GSG1L: variants seen among roughly 807,000 people sequenced by gnomAD.
The protein encoded by GSG1L is germ cell-specific gene 1-like protein.
GSG1L carries 24 observed loss-of-function variants against 42.1 expected under a neutral mutation model. That is an observed-to-expected ratio of 0.57 (90% confidence interval 0.41 to 0.80). The LOEUF (loss-of-function observed/expected upper bound fraction) is 0.80, where lower values mean the gene tolerates loss of function less well. GSG1L is among the 30% of genes least tolerant of loss of function. The probability of loss-of-function intolerance (pLI) is 0.00; values close to 1 mark genes in which losing one functional copy is unlikely to be tolerated. For synonymous variants in GSG1L, 215 were observed against 203.5 expected (o/e 1.06, Z -0.48); for missense variants, 445 against 472.2 (o/e 0.94, Z 0.53).
rs141790768 is a variant in GSG1L, at chr16:27,793,901, C to T, written c.899-2434G>A. Among the ~76,000 whole-genome samples the T allele has an allele frequency of 8.1e-3, 1,238 of 152,356 alleles. 8 individuals carry two copies. Among genetic ancestry groups the T allele is most frequent in the Middle Eastern group, 0.034 (10 of 294 alleles). On this transcript the variant is annotated intron_variant, in intron 6 of 6. Coordinates refer to ENST00000447459, the MANE Select transcript of GSG1L (RefSeq NM_001109763.2). ...GTGCTGTAGATTGGGAATCTCAACT[C>T]AAAATGTCTTGTGGGCCCAAGCAGG...
chr16:28,055,416 C>T (rs915893188), intron 1 of GSG1L, among the ~76,000 whole-genome samples: 2 of 152,092 alleles, frequency 1.3e-5, no homozygotes, highest in Non-Finnish European at 2.9e-5. Context: ...GGATTACAGG[C>T]GTGAGCCATT....
At chr16:28,056,613 T>C (rs2086282208) in intron 1 of GSG1L, among the ~76,000 whole-genome samples, 1 of 151,618 alleles carries the variant, frequency 6.6e-6, no homozygotes, top group South Asian at 2.1e-4. Flanking sequence ...GAACTTAAAG[T>C]ATAATAAAAA....
Position 28,063,196 on chromosome 16 carries a change from AGGCGGTGGCGGCGGC to A in GSG1L, c.214_228del (p.Ala72_Ala76del). The stretch of plus-strand genomic sequence containing the variant: ...GCGCCGCCAGGGGGGCCGTTCCCCG[AGGCGGTGGCGGCGGC>A]GGCGGCGGCGGCGGGGGCGGCGGTG... On this transcript the variant is annotated inframe_deletion, in exon 1 of 7. Coordinates refer to ENST00000447459, the MANE Select transcript of GSG1L (RefSeq NM_001109763.2). The surrounding 1 kb of genome is among the most constrained non-coding windows in gnomAD (Gnocchi z 5.8). 4 of 1,295,172 alleles carry A rather than the reference AGGCGGTGGCGGCGGC, an allele frequency of 3.1e-6. No individual in the cohort carries two copies. Among genetic ancestry groups the A allele is most frequent in the South Asian group, 4.5e-5 (2 of 44,022 alleles). 80.2% of individuals were successfully genotyped at this position (1,295,172 alleles called of 1,614,324 possible).
intron 2 of GSG1L, among the ~76,000 whole-genome samples, chr16:27,960,269 A>G (rs1194278119): frequency 1.4e-5 from 2 of 148,026 alleles, no homozygotes; most frequent in Non-Finnish European, 3.1e-5. Flanking sequence ...TTCAGGTTCA[A>G]ATCCCAGTTC....
At chr16:27,904,502 T>C (rs1473594365) in intron 2 of GSG1L, among the ~76,000 whole-genome samples, 1 of 152,122 alleles carries the variant, frequency 6.6e-6, no homozygotes, top group Non-Finnish European at 1.5e-5. Flanking sequence ...TGTATGACCA[T>C]TCAGCAGCCA....
chr16:27,837,748 T>C (rs1217488909), intron 4 of GSG1L, among the ~76,000 whole-genome samples: 1 of 152,180 alleles, frequency 6.6e-6, no homozygotes, highest in Non-Finnish European at 1.5e-5. Flanking sequence ...TTTTCTTTTC[T>C]GTAATGTGTG....
At position 28,008,440 on chromosome 16, in the gene GSG1L, A is replaced by G. The variant is rs560091969; in HGVS notation, c.350-45237T>C. On this transcript the variant is annotated intron_variant, in intron 1 of 6. Coordinates refer to ENST00000447459, the MANE Select transcript of GSG1L (RefSeq NM_001109763.2). ...TCCTTGGCCTCTTGAACCTTGTGCC[A>G]TCCCTCCTGAAGTTAAGAGGGGTCC... Among the ~76,000 whole-genome samples the G allele has an allele frequency of 5.3e-5, 8 of 152,232 alleles. No individual in the cohort carries two copies. The East Asian group carries it at 1.5e-3, about 29-fold the overall frequency.
At chr16:27,894,704 A>C (rs1018956221) in intron 2 of GSG1L, among the ~76,000 whole-genome samples, 1 of 152,176 alleles carries the variant, frequency 6.6e-6, no homozygotes, top group Non-Finnish European at 1.5e-5. Flanking sequence ...AAAAGGCCAG[A>C]GGCCATGGAG....
At chr16:28,031,258 AATGGG>A (rs1252278586) in intron 1 of GSG1L, among the ~76,000 whole-genome samples, 4 of 65,102 alleles carry the variant, frequency 6.1e-5, no homozygotes, top group African/African-American at 1.1e-4. Context: ...GATAAGATGG[AATGGG>A]ATGGGATGGG....
At chr16:27,942,691 C>T (rs968565383) in intron 2 of GSG1L, among the ~76,000 whole-genome samples, 10 of 152,078 alleles carry the variant, frequency 6.6e-5, no homozygotes, top group African/African-American at 1.9e-4. Context: ...ATCAGGGAAA[C>T]GTAAATTGGA....
At chr16:27,987,954 A>AAC (rs1382649428) in intron 1 of GSG1L, among the ~76,000 whole-genome samples, 1 of 151,536 alleles carries the variant, frequency 6.6e-6, no homozygotes, top group Non-Finnish European at 1.5e-5. Context: ...TCAAAAAAAA[A>AAC]AAAAAAAAAA....
chr16:27,958,583 A>G (rs1209227594), intron 2 of GSG1L, among the ~76,000 whole-genome samples: 3 of 152,178 alleles, frequency 2.0e-5, no homozygotes, highest in African/African-American at 7.2e-5. Context: ...ATTTTTTTCA[A>G]GAACTGATAA....
intron 5 of GSG1L, among the ~76,000 whole-genome samples, chr16:27,822,418 G>A (rs931856916): frequency 1.3e-5 from 2 of 151,942 alleles, no homozygotes; most frequent in Non-Finnish European, 1.5e-5. Flanking sequence ...TGTTTTTTTG[G>A]TTTGGTTTGG....
At position 28,059,181 on chromosome 16, in the gene GSG1L, T is replaced by G. The variant is rs1464043869; in HGVS notation, c.349+3895A>C. On this transcript the variant is annotated intron_variant, in intron 1 of 6. Coordinates refer to ENST00000447459, the MANE Select transcript of GSG1L (RefSeq NM_001109763.2). This position sits in a 1 kb window ranked among gnomAD's most constrained non-coding sequence, Gnocchi z 4.4. The stretch of plus-strand genomic sequence containing the variant: ...CACCTACACAGTAGCCCTGGGAGTT[T>G]CCTGCCTGAAACCACGCTGCTAGTA... Among the ~76,000 whole-genome samples the G allele has an allele frequency of 6.6e-6, 1 of 152,108 alleles. No homozygotes were observed. Among genetic ancestry groups the G allele is most frequent in the Non-Finnish European group, 1.5e-5 (1 of 68,006 alleles).
rs1017582526 is a variant in GSG1L, at chr16:28,039,906, T to A, written c.349+23170A>T. ...GTCAACATGAGTATTTATACCTTCA[T>A]ATGTCCAAAAACAAAATTCCTGATT... On this transcript the variant is annotated intron_variant, in intron 1 of 6. Transcript: ENST00000447459. Among the ~76,000 whole-genome samples the A allele has an allele frequency of 1.4e-4, 22 of 152,192 alleles. 1 individual carries two copies. Among genetic ancestry groups the A allele is most frequent in the Admixed American group, 1.0e-3 (16 of 15,284 alleles).
intron 1 of GSG1L, among the ~76,000 whole-genome samples, chr16:28,046,457 G>A (rs1337921744): frequency 6.9e-6 from 1 of 145,858 alleles, no homozygotes; most frequent in Non-Finnish European, 1.5e-5. Flanking sequence ...GGGTTCAAGC[G>A]ATTCTCCTGC....
intron 2 of GSG1L, among the ~76,000 whole-genome samples, chr16:27,896,950 G>T (rs770215890): frequency 6.6e-6 from 1 of 151,388 alleles, no homozygotes; most frequent in Non-Finnish European, 1.5e-5. Flanking sequence ...TACAACCTCC[G>T]CCACCTAGGC....
chr16:27,890,638 C>G (rs536822846), intron 2 of GSG1L, among the ~76,000 whole-genome samples: 1 of 152,174 alleles, frequency 6.6e-6, no homozygotes, highest in East Asian at 1.9e-4. Flanking sequence ...CTAGCTTGGA[C>G]ACGTGAGCAG....
chr16:28,016,707 G>A (rs868808766), intron 1 of GSG1L, among the ~76,000 whole-genome samples: 2 of 152,188 alleles, frequency 1.3e-5, no homozygotes, highest in Non-Finnish European at 2.9e-5. Context: ...CATTTATTGA[G>A]AACTTACTGC....
Sources: gnomAD v4.1 joint callset for allele counts (sites outside exome capture counted in the v4.1 genomes callset) on GRCh38, gnomAD v4.1.1 for gene constraint, Gnocchi (gnomAD v3.1) non-coding constraint, MANE v1.5 for transcripts, NCBI Gene and HGNC (gene_info 2026-07-23, HGNC 2026-07-21) for gene names.